Variants in TMEM131 observed in about 807,000 individuals in gnomAD.
TMEM131 encodes the protein 2610524E03Rik.
In TMEM131, 66 loss-of-function variants were observed where a neutral mutation model predicts 211.6. That is an observed-to-expected ratio of 0.31 (90% CI 0.26 to 0.38). The LOEUF is 0.38. Among genes scored for constraint, TMEM131 ranks in the 10% least tolerant of loss-of-function variants. TMEM131 has a pLI of 1.00. For missense variants in TMEM131, 2,036 were observed against 2,299.3 expected, an observed-to-expected ratio of 0.89 and a Z score of 2.34; for synonymous variants, 844 against 841.3, an observed-to-expected ratio of 1.00 and a Z score of -0.06.
At chr2:97,833,574 T>C (rs1682807315) in intron 10 of TMEM131, 148 bp from the exon 11 acceptor site, 3 of 556,980 alleles carry the variant, frequency 5.4e-6, no homozygotes, top group Non-Finnish European at 9.6e-6. Flanking sequence ...TAGGTGGTAA[T>C]TGCTTTACTC....
chr2:97,794,725 G>A (rs1441872364), intron 29 of TMEM131, among the ~76,000 whole-genome samples: 2 of 152,134 alleles, frequency 1.3e-5, no homozygotes, highest in African/African-American at 2.4e-5. Flanking sequence ...AATTTCAGAG[G>A]TAAAGAACAC....
chr2:97,824,258 T>C (rs1477063051), intron 11 of TMEM131, among the ~76,000 whole-genome samples: 8 of 152,178 alleles, frequency 5.3e-5, no homozygotes, highest in Admixed American at 2.0e-4. Context: ...AACCAGATAA[T>C]CCAACAGCAG....
intron 1 of TMEM131, among the ~76,000 whole-genome samples, chr2:97,936,283 A>C (rs943098161): frequency 7.9e-5 from 12 of 152,232 alleles, no homozygotes; most frequent in African/African-American, 2.9e-4. Context: ...GGGCTGTAAA[A>C]AGTGTTGACA....
intron 3 of TMEM131, among the ~76,000 whole-genome samples, chr2:97,899,340 T>C (rs910839220): frequency 6.6e-6 from 1 of 152,094 alleles, no homozygotes; most frequent in Non-Finnish European, 1.5e-5. Flanking sequence ...GAGAAGACAC[T>C]TGCAAAATAG....
chr2:97,813,937 G>C, intron 15 of TMEM131, 34 bp downstream of exon 15: 2 of 1,479,514 alleles, frequency 1.4e-6, no homozygotes, highest in Non-Finnish European at 9.1e-7. Context: ...GGTGGGCAGG[G>C]AGTTTAAATG....
At chr2:97,973,542 A>G (rs868050123) in intron 1 of TMEM131, among the ~76,000 whole-genome samples, 2 of 152,176 alleles carry the variant, frequency 1.3e-5, no homozygotes, top group Admixed American at 6.5e-5. Flanking sequence ...AAAGAATACC[A>G]AAATGGAGTG....
chr2:97,802,482 A>G lies in TMEM131; in HGVS notation c.2597T>C (p.Ile866Thr), dbSNP rs1337947559. 6.2e-7 allele frequency: 1 copy of G among 1,612,856 alleles called. No homozygotes were observed. Among genetic ancestry groups the G allele is most frequent in the East Asian group, 2.2e-5 (1 of 44,794 alleles). ...PADVPVYVQF[I>T]PLALYSNPSV... ...AGGGTTGGAATATAAAGCCAGAGGA[A>G]TAAACTGAACATAGACAGGAACATC... The change falls in exon 24 of 41, where the codon ATT (isoleucine) becomes ACT (threonine). Residue 866 changes from isoleucine (I) to threonine (T), a missense_variant. Physicochemically the swap from Ile to Thr is moderately conservative, Grantham distance 89 (BLOSUM62 -1). Transcript: ENST00000186436.
intron 31 of TMEM131, among the ~76,000 whole-genome samples, chr2:97,778,959 C>T (rs541186421): frequency 6.6e-6 from 1 of 152,182 alleles, no homozygotes; most frequent in African/African-American, 2.4e-5. Flanking sequence ...AGTTAACTAT[C>T]CCAAAAACAT....
intron 11 of TMEM131, among the ~76,000 whole-genome samples, chr2:97,820,184 A>T (rs1431712295): frequency 6.6e-6 from 1 of 152,184 alleles, no homozygotes; most frequent in Non-Finnish European, 1.5e-5. Flanking sequence ...TTTCTTCTTC[A>T]AGAACTCCTT....
chr2:97,847,070 T>TGGGGGGGGGGGGGGGGGGGG, intron 5 of TMEM131, among the ~76,000 whole-genome samples: 1 of 23,030 alleles, frequency 4.3e-5, no homozygotes, highest in African/African-American at 1.0e-4. Flanking sequence ...TCCCAGCTAC[T>TGGGGGGGGGGGGGGGGGGGG]GGGGGGGGGG....
chr2:97,931,222 A>C (rs1677205217), intron 1 of TMEM131, among the ~76,000 whole-genome samples: 1 of 151,800 alleles, frequency 6.6e-6, no homozygotes, highest in African/African-American at 2.4e-5. Flanking sequence ...TTCTACTCAT[A>C]TTTACTCTGA....
chr2:97,874,880 T>G (rs982241667), intron 4 of TMEM131, among the ~76,000 whole-genome samples: 1 of 152,084 alleles, frequency 6.6e-6, no homozygotes, highest in African/African-American at 2.4e-5. Flanking sequence ...ATATTAAACT[T>G]AAATGTAAAT....
chr2:97,880,008 G>C (rs1277780618), intron 4 of TMEM131, among the ~76,000 whole-genome samples: 7 of 152,134 alleles, frequency 4.6e-5, no homozygotes, highest in African/African-American at 1.7e-4. Flanking sequence ...AGGTCATGAG[G>C]TCTGCTGCTT....
At chr2:97,788,649 G>A (rs1289864672) in intron 31 of TMEM131, among the ~76,000 whole-genome samples, 2 of 151,978 alleles carry the variant, frequency 1.3e-5, no homozygotes, top group African/African-American at 4.8e-5. Context: ...CTTTTTCTTC[G>A]AGGAGGCAGC....
At chr2:97,816,256 G>A (rs538736707) in intron 12 of TMEM131, among the ~76,000 whole-genome samples, 12 of 152,214 alleles carry the variant, frequency 7.9e-5, no homozygotes, top group South Asian at 2.1e-4. Context: ...CAGGAGAATC[G>A]CTTGAGCCTG....
intron 1 of TMEM131, among the ~76,000 whole-genome samples, chr2:97,989,580 T>C (rs1680174050): frequency 6.6e-6 from 1 of 152,232 alleles, no homozygotes; most frequent in Non-Finnish European, 1.5e-5. Context: ...CACTGAACTG[T>C]ACATATAAAA....
intron 40 of TMEM131, 40 bp downstream of exon 40, chr2:97,758,853 G>A: frequency 6.4e-7 from 1 of 1,572,784 alleles, no homozygotes; most frequent in Admixed American, 1.9e-5. Flanking sequence ...GCGAGTGGGT[G>A]GGCCAGGTCC....
chr2:97,900,771 A>AT (rs926356182), intron 3 of TMEM131, among the ~76,000 whole-genome samples: 31 of 151,890 alleles, frequency 2.0e-4, no homozygotes, highest in Non-Finnish European at 4.3e-4. Flanking sequence ...TCTATTTTTA[A>AT]TTTTTTTTAG....
intron 11 of TMEM131, among the ~76,000 whole-genome samples, chr2:97,819,905 A>G (rs1316903484): frequency 6.6e-6 from 1 of 152,238 alleles, no homozygotes; most frequent in African/African-American, 2.4e-5. Flanking sequence ...AGAACATCAA[A>G]GGGCAGTCTC....
Sources: allele counts gnomAD v4.1 joint callset (sites outside exome capture counted in the v4.1 genomes callset), GRCh38; gene constraint gnomAD v4.1.1; transcripts MANE v1.5; gene names NCBI Gene and HGNC (gene_info 2026-07-23, HGNC 2026-07-21).